PPP2R1A: variants seen among roughly 807,000 people sequenced by gnomAD.
PPP2R1A encodes the protein serine/threonine-protein phosphatase 2A 65 kDa regulatory subunit A alpha isoform.
A neutral mutation model predicts 67.1 loss-of-function variants in PPP2R1A; 15 were observed. The ratio of observed to expected loss-of-function variants is 0.22; its 90% CI spans 0.15 to 0.34. PPP2R1A has a LOEUF of 0.34. PPP2R1A is among the 10% of genes least tolerant of loss of function. The pLI, the probability that PPP2R1A is intolerant of heterozygous loss-of-function variation, is 1.00. For synonymous variants in PPP2R1A, 337 were observed against 325.0 expected (o/e 1.04, Z -0.40); for missense variants, 369 against 775.0 (o/e 0.48, Z 6.22).
At chr19:52,198,776 CCTCACCTCTGTGCATCAGTGTCCTCA>C in intron 1 of PPP2R1A, among the ~76,000 whole-genome samples, 1 of 152,138 alleles carries the variant, frequency 6.6e-6, no homozygotes. Context: ...TAAGTGACAG[CCTCACCTCTGTGCATCAGTGTCCTCA>C]CTCGCCTCTG....
At position 52,216,779 on chromosome 19, in the gene PPP2R1A, G is replaced by A; in HGVS notation, c.1128+116G>A. ...CTGCTGATATCTCAACAGACATCCA[G>A]ATCTTTGCTGAGTTGCATGTTTGTG... On this transcript the variant is annotated intron_variant, in intron 9 of 14. Coordinates refer to ENST00000322088, the MANE Select transcript of PPP2R1A (RefSeq NM_014225.6). The surrounding 1 kb of genome is among the most constrained non-coding windows in gnomAD (Gnocchi z 4.3). The A allele has an allele frequency of 6.8e-7, 1 of 1,477,684 alleles. No individual in the cohort carries two copies. The allele number at this position is 1,477,684 out of a possible 1,614,324, so 91.5% of individuals were successfully genotyped here.
At chr19:52,210,309 C>T (rs1379094807) in intron 3 of PPP2R1A, among the ~76,000 whole-genome samples, 2 of 151,974 alleles carry the variant, frequency 1.3e-5, no homozygotes, top group African/African-American at 4.8e-5. Flanking sequence ...ATTCTAGGCC[C>T]ACAGTAACAA....
chr19:52,209,252 T>TTGAG (rs2089639683), intron 3 of PPP2R1A, among the ~76,000 whole-genome samples: 1 of 144,406 alleles, frequency 6.9e-6, no homozygotes, highest in African/African-American at 2.5e-5. Flanking sequence ...CAAGTGTTGA[T>TTGAG]TGAGTACCTT....
chr19:52,218,431 T>C (rs1978714217), intron 9 of PPP2R1A, among the ~76,000 whole-genome samples: 1 of 152,032 alleles, frequency 6.6e-6, no homozygotes, highest in Admixed American at 6.6e-5. Context: ...CTATTTTTAA[T>C]ATTTTTTTGT....
chr19:52,196,805 C>T (rs1190205075), intron 1 of PPP2R1A, among the ~76,000 whole-genome samples: 2 of 152,162 alleles, frequency 1.3e-5, no homozygotes, highest in Non-Finnish European at 2.9e-5. Flanking sequence ...TCCGTGTCCC[C>T]CAGGTTACCT....
Position 52,216,124 on chromosome 19 carries a change from AAG to A in PPP2R1A, c.993+53_993+54del, listed in dbSNP as rs1281394075. ...ACCAAGTGGATCCGAGCCTGCCAAA[AAG>A]AGGGGCTGGAGACAAGGCTTTGGGG... is the stretch of plus-strand genomic sequence containing the variant. On this transcript the variant is annotated intron_variant, in intron 8 of 14. Coordinates refer to ENST00000322088, the MANE Select transcript of PPP2R1A (RefSeq NM_014225.6). This position sits in a 1 kb window ranked among gnomAD's most constrained non-coding sequence, Gnocchi z 4.3. 2.6e-6 allele frequency: 4 copies of A among 1,567,336 alleles called. No individual in the cohort carries two copies. The South Asian group carries it at 4.4e-5, about 17-fold the overall frequency.
Position 52,219,112 on chromosome 19 carries a change from A to C in PPP2R1A, c.1129-579A>C, listed in dbSNP as rs941975109. On this transcript the variant is annotated intron_variant, in intron 9 of 14. Transcript: ENST00000322088. The surrounding 1 kb of genome is among the most constrained non-coding windows in gnomAD (Gnocchi z 4.0). ...TATAGTCTCTGAGCCTTCTCTTCTC[A>C]TGCACATGTTCAGCAGCTTGAGGCT... 6.6e-6 allele frequency among the ~76,000 whole-genome samples: 1 copy of C among 152,204 alleles called. No homozygotes were observed. The highest frequency in any genetic ancestry group is 1.5e-5 in the Non-Finnish European group (1 of 68,038).
At chr19:52,220,860 C>T in intron 11 of PPP2R1A, 119 bp from the exon 12 acceptor site, 2 of 1,205,810 alleles carry the variant, frequency 1.7e-6, no homozygotes, top group Admixed American at 2.1e-5. Context: ...CTCTTTGGCT[C>T]ACATGCAGCC....
intron 3 of PPP2R1A, among the ~76,000 whole-genome samples, chr19:52,208,680 TG>T (rs1393132187): frequency 2.0e-5 from 3 of 151,918 alleles, no homozygotes; most frequent in Non-Finnish European, 4.4e-5. Context: ...TTGTATTTTT[TG>T]TAGAGACAGG....
At chr19:52,202,953 A>G (rs1257639042) in intron 2 of PPP2R1A, among the ~76,000 whole-genome samples, 2 of 152,250 alleles carry the variant, frequency 1.3e-5, no homozygotes, top group East Asian at 3.8e-4. Flanking sequence ...AGCATTTAAT[A>G]CACTGTCTGA....
intron 1 of PPP2R1A, among the ~76,000 whole-genome samples, chr19:52,196,275 C>T (rs112535230): frequency 9.9e-5 from 15 of 152,264 alleles, no homozygotes; most frequent in South Asian, 6.2e-4. Flanking sequence ...AGGAATGTGA[C>T]GGAGACCCCA....
chr19:52,216,013 A>G lies in PPP2R1A; in HGVS notation c.932A>G (p.Glu311Gly), dbSNP rs1978547147. The change falls in exon 8 of 15, where the codon GAA becomes GGA. Residue 311 changes from glutamate to glycine, a missense_variant. Glu to Gly is a moderately conservative substitution (Grantham distance 98, BLOSUM62 -2). Transcript: ENST00000322088. This position sits in a 1 kb window ranked among gnomAD's most constrained non-coding sequence, Gnocchi z 4.3. Reference sequence around the variant, plus strand: ...CTCTCCCTGCCCACAGAGTTCTGTGAAAACCTCTCAGCTGACTGTCGGGAG... The same window carrying G: ...CTCTCCCTGCCCACAGAGTTCTGTGGAAACCTCTCAGCTGACTGTCGGGAG... ...AASHKVKEFCENLSADCRENV... is the reference protein window; with the variant it reads ...AASHKVKEFCGNLSADCRENV... The G allele has an allele frequency of 6.2e-7, 1 of 1,613,910 alleles. No individual in the cohort carries two copies.
intron 6 of PPP2R1A, among the ~76,000 whole-genome samples, chr19:52,215,481 A>G (rs1978510976): frequency 6.6e-6 from 1 of 152,222 alleles, no homozygotes. Context: ...GAATCAGGTA[A>G]CAGAAAACTT....
At chr19:52,204,041 T>A (rs923571557) in intron 2 of PPP2R1A, among the ~76,000 whole-genome samples, 9 of 152,168 alleles carry the variant, frequency 5.9e-5, no homozygotes, top group African/African-American at 2.2e-4. Flanking sequence ...CTGAACCCTC[T>A]GGGTTTTTAT....
rs1238730384 is a variant in PPP2R1A, at chr19:52,219,914, A to G, written c.1302+50A>G. ...GGCAGTGCTGCCTCAGGGGAGGTGC[A>G]GTATGTCCAGGGCTGTGATGGGGAA... On this transcript the variant is annotated intron_variant, in intron 10 of 14. Coordinates refer to ENST00000322088, the MANE Select transcript of PPP2R1A (RefSeq NM_014225.6). This position sits in a 1 kb window ranked among gnomAD's most constrained non-coding sequence, Gnocchi z 4.0. The G allele has an allele frequency of 1.9e-6, 3 of 1,569,508 alleles. No individual in the cohort carries two copies. Among genetic ancestry groups the G allele is most frequent in the Admixed American group, 1.7e-5 (1 of 57,166 alleles).
chr19:52,204,987 T>C (rs1397418437), intron 2 of PPP2R1A, among the ~76,000 whole-genome samples: 2 of 152,294 alleles, frequency 1.3e-5, no homozygotes, highest in African/African-American at 4.8e-5. Context: ...ATGGAGATGA[T>C]GATAATGACT....
chr19:52,224,057 C>T (rs1418444484), intron 13 of PPP2R1A, among the ~76,000 whole-genome samples: 1 of 152,178 alleles, frequency 6.6e-6, no homozygotes, highest in Non-Finnish European at 1.5e-5. Context: ...TAAGCAGCAA[C>T]AGGTGACTCT....
At chr19:52,199,912 A>T (rs2089531143) in intron 1 of PPP2R1A, among the ~76,000 whole-genome samples, 1 of 152,200 alleles carries the variant, frequency 6.6e-6, no homozygotes, top group South Asian at 2.1e-4. Context: ...TTAATGCCAG[A>T]ATGGTGAGTT....
intron 3 of PPP2R1A, among the ~76,000 whole-genome samples, chr19:52,210,594 G>A (rs531045171): frequency 1.2e-4 from 18 of 151,134 alleles, no homozygotes; most frequent in Admixed American, 9.9e-4. Flanking sequence ...CCGGGTTCAA[G>A]GATTCTTCTG....
Sources: gnomAD v4.1 joint callset for allele counts (sites outside exome capture counted in the v4.1 genomes callset) on GRCh38, gnomAD v4.1.1 for gene constraint, Gnocchi (gnomAD v3.1) non-coding constraint, MANE v1.5 for transcripts, NCBI Gene and HGNC (gene_info 2026-07-23, HGNC 2026-07-21) for gene names.